BARD1: variants seen among roughly 807,000 people sequenced by gnomAD.
BARD1 encodes BRCA1 associated RING domain 1.
In BARD1, 73 loss-of-function variants were observed where a neutral mutation model predicts 77.0. The ratio of observed to expected loss-of-function variants is 0.95; its 90% CI spans 0.79 to 1.15. BARD1 has a LOEUF of 1.15. Ranked by LOEUF, BARD1 falls within the 50% of genes most tolerant of loss-of-function variation. BARD1 has a pLI of 0.00. For missense variants in BARD1, 993 were observed against 938.8 expected (o/e 1.06, Z -0.75); for synonymous variants, 384 against 338.0 (o/e 1.14, Z -1.49).
At chr2:214,734,725 T>C (rs540019422) in intron 9 of BARD1, among the ~76,000 whole-genome samples, 1 of 152,210 alleles carries the variant, frequency 6.6e-6, no homozygotes, top group Admixed American at 6.5e-5. Context: ...AAAAGAAAAT[T>C]CTTAAAATAC....
At chr2:214,751,749 C>T (rs999208176) in intron 7 of BARD1, among the ~76,000 whole-genome samples, 13 of 152,176 alleles carry the variant, frequency 8.5e-5, no homozygotes, top group African/African-American at 3.1e-4. Context: ...TGATTTCCTT[C>T]TCCATGGCAA....
At chr2:214,766,782 C>T (rs933076647) in intron 6 of BARD1, among the ~76,000 whole-genome samples, 1 of 152,048 alleles carries the variant, frequency 6.6e-6, no homozygotes, top group East Asian at 1.9e-4. Context: ...TATTGTTTTA[C>T]CTATATTACT....
chr2:214,785,184 T>C (rs76581532), intron 3 of BARD1, among the ~76,000 whole-genome samples: 8,054 of 152,062 alleles, frequency 0.053, 261 homozygotes, highest in Admixed American at 0.083. Flanking sequence ...AAAAATCTAT[T>C]TTTTCTCTTG....
At chr2:214,797,224 A>C in intron 1 of BARD1, 107 bp from the exon 2 acceptor site, 1 of 914,110 alleles carries the variant, frequency 1.1e-6, no homozygotes, top group Non-Finnish European at 1.8e-6. Context: ...TCACTTTCTC[A>C]AAGCAGAAGG....
chr2:214,769,210 A>G, intron 5 of BARD1, 22 bp downstream of exon 5: 1 of 1,582,026 alleles, frequency 6.3e-7, no homozygotes. Flanking sequence ...AGAAAGAATG[A>G]GAATAAAAAC....
chr2:214,738,331 C>T (rs909098571), intron 9 of BARD1, among the ~76,000 whole-genome samples: 6 of 152,088 alleles, frequency 3.9e-5, no homozygotes. Flanking sequence ...TATAGGTAAG[C>T]AGCCCCATTT....
chr2:214,745,786 CTGT>C lies in BARD1; in HGVS notation c.1743_1745del (p.Gln582del). 1 of 1,614,004 alleles carries C rather than the reference CTGT, an allele frequency of 6.2e-7. No homozygotes were observed. The highest frequency in any genetic ancestry group is 2.2e-5 in the East Asian group (1 of 44,852). ...TTACTGCAAGCTCACTGAGCATTTT[CTGT>C]TGTTCTGAAGACAGCCCACTGCCTA... is the stretch of plus-strand genomic sequence containing the variant. On this transcript the variant is annotated inframe_deletion, in exon 8 of 11. Coordinates refer to ENST00000260947, the MANE Select transcript of BARD1 (RefSeq NM_000465.4).
At chr2:214,783,380 C>T (rs1405700960) in intron 3 of BARD1, among the ~76,000 whole-genome samples, 1 of 152,022 alleles carries the variant, frequency 6.6e-6, no homozygotes, top group Non-Finnish European at 1.5e-5. Context: ...TACTATGCAG[C>T]CATAAAAAAG....
intron 1 of BARD1, among the ~76,000 whole-genome samples, chr2:214,799,211 G>C (rs1040693764): frequency 6.6e-6 from 1 of 152,208 alleles, no homozygotes. Context: ...TGAGGCACAA[G>C]AATCACTTGA....
At chr2:214,803,946 GA>G (rs1696149448) in intron 1 of BARD1, among the ~76,000 whole-genome samples, 1 of 151,788 alleles carries the variant, frequency 6.6e-6, no homozygotes, top group East Asian at 1.9e-4. Context: ...TCTTCGAAAA[GA>G]AAAAAAGGAA....
chr2:214,774,851 G>A (rs1694669102), intron 4 of BARD1, among the ~76,000 whole-genome samples: 1 of 152,194 alleles, frequency 6.6e-6, no homozygotes, highest in Non-Finnish European at 1.5e-5. Flanking sequence ...ATCAGCACCT[G>A]CTGTTTCAAC....
chr2:214,730,521 CAAG>C lies in BARD1; in HGVS notation c.1904-16_1904-14del. 6.2e-7 allele frequency: 1 copy of C among 1,605,686 alleles called. No individual in the cohort carries two copies. The highest frequency in any genetic ancestry group is 8.5e-7 in the Non-Finnish European group (1 of 1,172,494). On this transcript the variant is annotated splice_polypyrimidine_tract_variant and intron_variant, in intron 9 of 10. Coordinates refer to ENST00000260947, the MANE Select transcript of BARD1 (RefSeq NM_000465.4). ...CATGCTTTTACCCCTGACAAAAACA[CAAG>C]AATTAAAGCAAACTAAGTATCAAGT...
intron 8 of BARD1, 153 bp downstream of exon 8, chr2:214,745,569 T>C: frequency 1.1e-6 from 1 of 891,638 alleles, no homozygotes. Flanking sequence ...AGTAGTTTAT[T>C]ACTGAAAAAA....
chr2:214,767,344 T>A, intron 6 of BARD1, 138 bp downstream of exon 6: 1 of 821,546 alleles, frequency 1.2e-6, no homozygotes, highest in Non-Finnish European at 2.0e-6. Context: ...GAGTGCAGAA[T>A]GTGATGATCA....
chr2:214,726,375 T>G lies in BARD1; in HGVS notation c.*2301A>C, dbSNP rs1692084317. On this transcript the variant is annotated 3_prime_UTR_variant, in exon 11 of 11. Coordinates refer to ENST00000260947, the MANE Select transcript of BARD1 (RefSeq NM_000465.4). ...TGTGGAAAAGCTACCAGCCTCTCAC[T>G]TTTAGAGACACAAAGCAATCAGTGT... 1 of 206,370 alleles carries G rather than the reference T, an allele frequency of 4.8e-6. No homozygotes were observed. Among genetic ancestry groups the G allele is most frequent in the Non-Finnish European group, 9.9e-6 (1 of 101,108 alleles). The allele number at this position is 206,370 out of a possible 1,614,324, so 12.8% of individuals were successfully genotyped here.
intron 1 of BARD1, 83 bp downstream of exon 1, chr2:214,809,329 G>C (rs1696444554): frequency 1.7e-5 from 27 of 1,570,982 alleles, no homozygotes; most frequent in Non-Finnish European, 2.1e-5. Flanking sequence ...AGGAGGAAAC[G>C]GAAGATTTGA....
intron 4 of BARD1, 118 bp downstream of exon 4, chr2:214,780,442 A>C: frequency 1.1e-6 from 1 of 883,958 alleles, no homozygotes; most frequent in Non-Finnish European, 1.8e-6. Flanking sequence ...CAGAGGAAGT[A>C]TCATGTCTGT....
chr2:214,763,829 T>C (rs948202718), intron 6 of BARD1, among the ~76,000 whole-genome samples: 1 of 152,086 alleles, frequency 6.6e-6, no homozygotes, highest in African/African-American at 2.4e-5. Context: ...AATCCCATAG[T>C]CTCCATGCTC....
intron 3 of BARD1, among the ~76,000 whole-genome samples, chr2:214,789,117 T>A (rs988861724): frequency 6.6e-6 from 1 of 152,134 alleles, no homozygotes; most frequent in Non-Finnish European, 1.5e-5. Context: ...TCATTTCCTA[T>A]CAAAGTAGCA....
Sources: allele counts gnomAD v4.1 joint callset (sites outside exome capture counted in the v4.1 genomes callset), GRCh38; gene constraint gnomAD v4.1.1; transcripts MANE v1.5; gene names NCBI Gene and HGNC (gene_info 2026-07-23, HGNC 2026-07-21).